The following ITGB6 variants were observed in gnomAD, a reference collection of about 807,000 sequenced individuals.
The protein encoded by ITGB6 is integrin beta-6.
Under a neutral mutation model 84.5 loss-of-function variants are expected in ITGB6, and 80 were observed. The ratio of observed to expected loss-of-function variants is 0.95; its 90% confidence interval spans 0.79 to 1.14. The LOEUF is 1.14. Among genes scored for constraint, ITGB6 ranks in the 50% most tolerant of loss-of-function variants. The probability of loss-of-function intolerance (pLI) is 0.00; values close to 1 mark genes in which losing one functional copy is unlikely to be tolerated. For missense variants in ITGB6, 1,006 were observed against 968.0 expected (o/e 1.04, Z -0.52); for synonymous variants, 383 against 354.9 (o/e 1.08, Z -0.89).
At chr2:160,110,166 G>A (rs1012067904) in intron 13 of ITGB6, among the ~76,000 whole-genome samples, 1 of 152,090 alleles carries the variant, frequency 6.6e-6, no homozygotes. Context: ...CAGAGCAGGG[G>A]CTCCAGGCCA....
intron 4 of ITGB6, among the ~76,000 whole-genome samples, chr2:160,189,071 T>C (rs1686030795): frequency 6.6e-6 from 1 of 152,134 alleles, no homozygotes; most frequent in East Asian, 1.9e-4. Context: ...TATCTGATCT[T>C]TGACAAACCT....
rs182174780 is a variant in ITGB6 at position 160,154,723 on chromosome 2, A to G, written c.1018-12652T>C. ...AGTTTAAAAAAAAAAAGGCTGTGGT[A>G]CATTCATCAAATGAAACATGATTCA... On this transcript the variant is annotated intron_variant, in intron 7 of 14. Coordinates refer to ENST00000283249, the MANE Select transcript of ITGB6 (RefSeq NM_000888.5). Among the ~76,000 whole-genome samples, 565 of 152,318 alleles carry G rather than the reference A, an allele frequency of 3.7e-3. 4 individuals are homozygous for G. Among genetic ancestry groups the G allele is most frequent in the African/African-American group, 0.013 (547 of 41,574 alleles).
At chr2:160,165,808 C>T (rs891752034) in intron 7 of ITGB6, among the ~76,000 whole-genome samples, 16 of 152,102 alleles carry the variant, frequency 1.1e-4, no homozygotes, top group African/African-American at 3.9e-4. Flanking sequence ...GCAGAGTGTT[C>T]ATCTGCATCC....
intron 4 of ITGB6, among the ~76,000 whole-genome samples, chr2:160,193,261 T>C (rs1686209906): frequency 6.6e-6 from 1 of 152,086 alleles, no homozygotes; most frequent in South Asian, 2.1e-4. Context: ...GTAAATAAAA[T>C]GTAGTTAATA....
intron 7 of ITGB6, among the ~76,000 whole-genome samples, chr2:160,147,925 A>G (rs1684262080): frequency 6.6e-6 from 1 of 152,234 alleles, no homozygotes; most frequent in Non-Finnish European, 1.5e-5. Context: ...GACTTTTTAG[A>G]TATAACACCA....
At chr2:160,153,825 T>C (rs1398635935) in intron 7 of ITGB6, among the ~76,000 whole-genome samples, 1 of 152,058 alleles carries the variant, frequency 6.6e-6, no homozygotes, top group Non-Finnish European at 1.5e-5. Flanking sequence ...AACAGACACA[T>C]GAAAAATCGC....
In ITGB6 at chr2:160,100,991, A is replaced by G. The variant is rs1696695289; in HGVS notation, c.*745T>C. 6.6e-6 allele frequency: 1 copy of G among 152,228 alleles called. No individual in the cohort carries two copies. The highest frequency in any genetic ancestry group is 1.5e-5 in the Non-Finnish European group (1 of 68,024). 9.4% of individuals were successfully genotyped at this position (152,228 alleles called of 1,614,324 possible). On this transcript the variant is annotated 3_prime_UTR_variant, in exon 15 of 15. Transcript: ENST00000283249. ...GGGAGAAGTAACAGTTTGAAAACTC[A>G]GAGTCAAAAAGGAAACAGTGTAGAA...
At chr2:160,137,052 T>G (rs1305227968) in intron 10 of ITGB6, among the ~76,000 whole-genome samples, 8 of 88,674 alleles carry the variant, frequency 9.0e-5, no homozygotes, top group South Asian at 6.3e-4. Flanking sequence ...AAAGTATAAA[T>G]AAAAAAAAAA....
At chr2:160,128,947 A>T (rs183021717) in intron 10 of ITGB6, among the ~76,000 whole-genome samples, 220 of 152,128 alleles carry the variant, frequency 1.4e-3, no homozygotes, top group Non-Finnish European at 2.4e-3. Flanking sequence ...GGGGTTTGGG[A>T]TCCATTAGGG....
At chr2:160,107,360 GGGATACTCCTAGTGGTGA>G (rs374478726) in intron 14 of ITGB6, among the ~76,000 whole-genome samples, 346 of 152,142 alleles carry the variant, frequency 2.3e-3, no homozygotes, top group African/African-American at 7.8e-3. Flanking sequence ...TGGGGCCTGA[GGGATACTCCTAGTGGTGA>G]GGAAGCGCTG....
chr2:160,138,191 C>A lies in ITGB6; in HGVS notation c.1116G>T (p.Arg372=). The change falls in exon 9 of 15, where the codon CGG becomes CGT. Residue 372 remains arginine, a synonymous_variant. Coordinates refer to ENST00000283249, the MANE Select transcript of ITGB6 (RefSeq NM_000888.5). ...CTAATACTTCCAGTTCCACCTCAGA[C>A]CGCAGTTCCTTTAGTTACAACATAA... ...QLIISAYEEL[R]SEVELEVLGD... is the part of the protein sequence containing the mutation. The A allele has an allele frequency of 6.2e-7, 1 of 1,606,908 alleles. No homozygotes were observed. The highest frequency in any genetic ancestry group is 8.5e-7 in the Non-Finnish European group (1 of 1,178,076).
At chr2:160,185,409 C>A (rs1474052275) in intron 4 of ITGB6, among the ~76,000 whole-genome samples, 1 of 152,136 alleles carries the variant, frequency 6.6e-6, no homozygotes, top group Admixed American at 6.5e-5. Flanking sequence ...CCTAGGAATC[C>A]AACTTACAAG....
At chr2:160,161,357 G>A (rs1051160325) in intron 7 of ITGB6, among the ~76,000 whole-genome samples, 4 of 152,134 alleles carry the variant, frequency 2.6e-5, no homozygotes, top group South Asian at 2.1e-4. Flanking sequence ...AAGGCATGAC[G>A]TCGACTCACT....
intron 6 of ITGB6, among the ~76,000 whole-genome samples, chr2:160,171,404 G>A (rs1685199560): frequency 1.4e-5 from 2 of 142,602 alleles, no homozygotes; most frequent in African/African-American, 5.2e-5. Context: ...GTGCGATCTT[G>A]GCTCACTGCA....
chr2:160,136,460 A>C (rs967558227), intron 10 of ITGB6, among the ~76,000 whole-genome samples: 1 of 151,928 alleles, frequency 6.6e-6, no homozygotes, highest in Non-Finnish European at 1.5e-5. Flanking sequence ...GTGGGACTGT[A>C]AACTAGTTCA....
At chr2:160,167,779 T>C (rs1226367364) in intron 7 of ITGB6, among the ~76,000 whole-genome samples, 6 of 152,174 alleles carry the variant, frequency 3.9e-5, no homozygotes, top group Admixed American at 1.3e-4. Context: ...TAAAGACTAT[T>C]ACCAAAGTGA....
chr2:160,111,955 T>A (rs1406008275), intron 13 of ITGB6, 125 bp downstream of exon 13: 7 of 953,380 alleles, frequency 7.3e-6, no homozygotes, highest in Non-Finnish European at 1.1e-5. Context: ...TGGGAAACTT[T>A]AAGAAACTTC....
chr2:160,114,702 G>A (rs546329365), intron 12 of ITGB6, among the ~76,000 whole-genome samples: 173 of 152,324 alleles, frequency 1.1e-3, no homozygotes, highest in African/African-American at 4.0e-3. Flanking sequence ...GCAGGGCGAG[G>A]CATTGCCTCA....
intron 13 of ITGB6, among the ~76,000 whole-genome samples, chr2:160,110,422 T>C (rs1682440943): frequency 6.6e-6 from 1 of 152,188 alleles, no homozygotes; most frequent in African/African-American, 2.4e-5. Flanking sequence ...TTACTATTGT[T>C]ACAGCAAATA....
Sources: allele counts gnomAD v4.1 joint callset (sites outside exome capture counted in the v4.1 genomes callset), GRCh38; gene constraint gnomAD v4.1.1; transcripts MANE v1.5; gene names NCBI Gene and HGNC (gene_info 2026-07-23, HGNC 2026-07-21).